Variants in DOP1A observed in about 807,000 individuals in gnomAD.
DOP1A encodes protein DOP1A.
In DOP1A, 90 loss-of-function variants were observed where a neutral mutation model predicts 267.6. That is an observed-to-expected ratio of 0.34 (90% confidence interval 0.28 to 0.40). The LOEUF (loss-of-function observed/expected upper bound fraction) is 0.40, where lower values mean the gene tolerates loss of function less well. Among genes scored for constraint, DOP1A ranks in the 10% least tolerant of loss-of-function variants. DOP1A has a pLI of 1.00. For missense variants in DOP1A, 2,437 were observed against 2,900.4 expected, an observed-to-expected ratio of 0.84 and a Z score of 3.67; for synonymous variants, 932 against 999.1, an observed-to-expected ratio of 0.93 and a Z score of 1.27.
intron 1 of DOP1A, among the ~76,000 whole-genome samples, chr6:83,080,305 T>C (rs887788897): frequency 2.6e-5 from 4 of 152,224 alleles, no homozygotes; most frequent in Non-Finnish European, 4.4e-5. Context: ...ACTACTTCTT[T>C]CTATAGATAC....
downstream of DOP1A, chr6:83,168,533 C>T: frequency 7.9e-6 from 8 of 1,006,762 alleles, no homozygotes; most frequent in Non-Finnish European, 8.3e-6. Flanking sequence ...TCCTTATTAA[C>T]CATGTTCTGG....
At chr6:83,159,176 T>C (rs1402414073) in intron 36 of DOP1A, among the ~76,000 whole-genome samples, 1 of 152,210 alleles carries the variant, frequency 6.6e-6, no homozygotes, top group East Asian at 1.9e-4. Context: ...CTAATAACTT[T>C]ATTATTATAG....
Position 83,125,176 on chromosome 6 carries a change from G to A in DOP1A, c.1466G>A (p.Ser489Asn), listed in dbSNP as rs759834463. The change falls in exon 14 of 39, where the codon AGT becomes AAT. Residue 489 changes from serine to asparagine, a missense_variant. Coordinates refer to ENST00000349129, the MANE Select transcript of DOP1A (RefSeq NM_015018.4). Reference protein sequence around the residue: ...LLDIVSLPTRSMRVLCQETYI... With the variant: ...LLDIVSLPTRNMRVLCQETYI... The stretch of plus-strand genomic sequence containing the variant: ...TTTCTCATTTTGAAGCCTACTAGAA[G>A]TATGAGGGTGCTGTGTCAGGTATGA... The A allele has an allele frequency of 8.8e-6, 14 of 1,583,746 alleles. No homozygotes were observed. The highest frequency in any genetic ancestry group is 1.0e-5 in the Non-Finnish European group (12 of 1,171,696).
At chr6:83,114,316 C>T (rs1284295474) in intron 7 of DOP1A, among the ~76,000 whole-genome samples, 1 of 152,156 alleles carries the variant, frequency 6.6e-6, no homozygotes, top group African/African-American at 2.4e-5. Context: ...GAGACTTTCA[C>T]CCTTCAACCA....
intron 24 of DOP1A, among the ~76,000 whole-genome samples, chr6:83,143,307 C>T (rs1779945166): frequency 6.6e-6 from 1 of 152,092 alleles, no homozygotes; most frequent in Non-Finnish European, 1.5e-5. Flanking sequence ...GAGGCTGAGG[C>T]AGGAGAATTA....
chr6:83,165,952 A>G, intron 38 of DOP1A: 1 of 353,206 alleles, frequency 2.8e-6, no homozygotes, highest in South Asian at 2.5e-5. Flanking sequence ...ACCACCAAAC[A>G]ATGACCATGA....
chr6:83,096,884 A>G (rs544510899), intron 2 of DOP1A, 41 bp from the exon 3 acceptor site: 2 of 1,450,836 alleles, frequency 1.4e-6, no homozygotes, highest in South Asian at 2.7e-5. Flanking sequence ...ACCCGTTTTA[A>G]TACTTTGTAA....
chr6:83,076,145 A>G (rs1295021349), intron 1 of DOP1A, among the ~76,000 whole-genome samples: 5 of 152,262 alleles, frequency 3.3e-5, no homozygotes, highest in African/African-American at 7.2e-5. Flanking sequence ...TTCAATAACA[A>G]CAAAGTAACT....
downstream of DOP1A, chr6:83,170,601 C>T (rs947857063): frequency 5.2e-6 from 4 of 773,476 alleles, no homozygotes; most frequent in African/African-American, 5.2e-5. Flanking sequence ...ACTTCTTTCT[C>T]CAAGGTCAGG....
intron 3 of DOP1A, 124 bp downstream of exon 3, chr6:83,097,239 G>C: frequency 9.2e-7 from 1 of 1,084,814 alleles, no homozygotes; most frequent in Non-Finnish European, 1.3e-6. Context: ...GATTACTCTT[G>C]GTAGTGCTAT....
At chr6:83,103,322 T>C (rs993430603) in intron 4 of DOP1A, among the ~76,000 whole-genome samples, 7 of 152,160 alleles carry the variant, frequency 4.6e-5, no homozygotes, top group African/African-American at 1.7e-4. Context: ...CAGTGGACTT[T>C]GGGGACCCAG....
chr6:83,079,615 T>A (rs542935533), intron 1 of DOP1A, among the ~76,000 whole-genome samples: 2 of 152,282 alleles, frequency 1.3e-5, no homozygotes, highest in South Asian at 4.1e-4. Context: ...AACGTTAAAT[T>A]ACTAATTTTT....
At chr6:83,130,013 C>T (rs1777777654) in intron 16 of DOP1A, 110 bp from the exon 17 acceptor site, 1 of 1,325,244 alleles carries the variant, frequency 7.5e-7, no homozygotes, top group African/African-American at 1.5e-5. Flanking sequence ...GTTTTGTTAA[C>T]AGATCAAGGC....
chr6:83,073,333 C>T (rs1296167670), intron 1 of DOP1A, among the ~76,000 whole-genome samples: 1 of 152,056 alleles, frequency 6.6e-6, no homozygotes, highest in Non-Finnish European at 1.5e-5. Flanking sequence ...GGTGATCTGC[C>T]CGCCTTGGCC....
intron 1 of DOP1A, among the ~76,000 whole-genome samples, chr6:83,084,757 A>AT (rs78069437): frequency 0.012 from 1,519 of 131,482 alleles, 15 homozygotes; most frequent in African/African-American, 0.034. Flanking sequence ...TAATTTTTGT[A>AT]TTTTTTTTTT....
chr6:83,132,328 G>T lies in DOP1A; in HGVS notation c.2769G>T (p.Lys923Asn). The T allele has an allele frequency of 6.3e-7, 1 of 1,584,944 alleles. No homozygotes were observed. The highest frequency in any genetic ancestry group is 1.1e-5 in the South Asian group (1 of 90,246). The change falls in exon 18 of 39, where the codon AAG becomes AAT. Residue 923 changes from lysine (K) to asparagine (N), a missense_variant and splice_region_variant. By Grantham distance (94) the Lys-to-Asn change is moderately conservative. This residue lies in a region of DOP1A where 878 missense variants were observed against 992.9 expected (regional missense o/e 0.88). Coordinates refer to ENST00000349129, the MANE Select transcript of DOP1A (RefSeq NM_015018.4). The part of the protein sequence containing the change: ...VISQQLTHKD[K>N]KIRMEAHAKF... ...GTCAGCAGTTAACCCATAAAGATAAGGTAAATCCTCTTATCTTGTGCACAC... is the reference window on the plus strand; with the variant it reads ...GTCAGCAGTTAACCCATAAAGATAATGTAAATCCTCTTATCTTGTGCACAC...
chr6:83,088,954 T>A (rs916984122), intron 1 of DOP1A, among the ~76,000 whole-genome samples: 1 of 152,234 alleles, frequency 6.6e-6, no homozygotes, highest in Non-Finnish European at 1.5e-5. Context: ...CATCTACTTA[T>A]ATAGCTTTTT....
intron 1 of DOP1A, among the ~76,000 whole-genome samples, chr6:83,075,811 A>G (rs1245501783): frequency 1.3e-5 from 2 of 152,178 alleles, no homozygotes; most frequent in African/African-American, 2.4e-5. Flanking sequence ...ATGAAGTTGT[A>G]TATCTTATAC....
chr6:83,121,471 C>A (rs924119977), intron 10 of DOP1A, among the ~76,000 whole-genome samples: 1 of 151,430 alleles, frequency 6.6e-6, no homozygotes, highest in African/African-American at 2.4e-5. Flanking sequence ...GAAAATTTAG[C>A]CTTATGCATT....
Sources: gnomAD v4.1 joint callset for allele counts (sites outside exome capture counted in the v4.1 genomes callset) on GRCh38, gnomAD v4.1.1 for gene constraint, gnomAD v4.1.1 regional missense constraint, MANE v1.5 for transcripts, NCBI Gene and HGNC (gene_info 2026-07-23, HGNC 2026-07-21) for gene names.